ABCB11: variants seen among roughly 807,000 people sequenced by gnomAD.
ABCB11 encodes bile salt export pump.
In ABCB11, 95 loss-of-function variants were observed where a neutral mutation model predicts 148.0. The ratio of observed to expected loss-of-function variants is 0.64; its 90% CI spans 0.54 to 0.76. The LOEUF (loss-of-function observed/expected upper bound fraction) is 0.76, where lower values mean the gene tolerates loss of function less well. Among genes scored for constraint, ABCB11 ranks in the 30% least tolerant of loss-of-function variants. The pLI, the probability that ABCB11 is intolerant of heterozygous loss-of-function variation, is 0.00. For synonymous variants in ABCB11, 591 were observed against 555.4 expected (o/e 1.06, Z -0.90); for missense variants, 1,523 against 1,617.8 (o/e 0.94, Z 1.01).
At chr2:168,975,554 T>TATTTATAGATAAATATAG in intron 12 of ABCB11, among the ~76,000 whole-genome samples, 2 of 46,804 alleles carry the variant, frequency 4.3e-5, no homozygotes, top group African/African-American at 1.6e-4. Context: ...TATAAATACA[T>TATTTATAGATAAATATAG]AAATATTTTT....
intron 12 of ABCB11, among the ~76,000 whole-genome samples, chr2:168,975,156 T>TA (rs1693770830): frequency 6.9e-5 from 3 of 43,736 alleles, no homozygotes; most frequent in African/African-American, 2.7e-4. Flanking sequence ...GATAAATATA[T>TA]AATAAATATT....
intron 23 of ABCB11, 48 bp downstream of exon 23, chr2:168,935,136 C>T (rs760091236): frequency 6.2e-7 from 1 of 1,606,276 alleles, no homozygotes; most frequent in Non-Finnish European, 8.5e-7. Context: ...CCAGGCTATT[C>T]CTTCCTTGTG....
At chr2:168,929,549 A>G (rs1274741515) in intron 25 of ABCB11, among the ~76,000 whole-genome samples, 2 of 152,250 alleles carry the variant, frequency 1.3e-5, no homozygotes, top group Admixed American at 1.3e-4. Context: ...CTTAGAGTGA[A>G]GGCAGGAAAG....
intron 13 of ABCB11, among the ~76,000 whole-genome samples, chr2:168,973,246 T>G (rs1195260206): frequency 2.6e-5 from 4 of 151,974 alleles, no homozygotes; most frequent in East Asian, 1.9e-4. Flanking sequence ...AAATGTGTCC[T>G]TAGGTGGTTT....
chr2:168,922,312 T>C lies in ABCB11; in HGVS notation c.*1310A>G, dbSNP rs1691104926. On this transcript the variant is annotated 3_prime_UTR_variant, in exon 28 of 28. Transcript: ENST00000650372. ...TTCAACTTCATCTTGTGTCTCTAAG[T>C]GCAAACCTCCCTGTGAGCCTCCTCA... Among the ~76,000 whole-genome samples, 1 of 152,190 alleles carries C rather than the reference T, an allele frequency of 6.6e-6. No homozygotes were observed. Among genetic ancestry groups the C allele is most frequent in the South Asian group, 2.1e-4 (1 of 4,826 alleles).
At chr2:168,950,140 TACACACACAC>T (rs36026125) in intron 19 of ABCB11, among the ~76,000 whole-genome samples, 12 of 143,976 alleles carry the variant, frequency 8.3e-5, no homozygotes, top group Non-Finnish European at 1.2e-4. Context: ...TATATATATA[TACACACACAC>T]ACACACACAC....
chr2:168,974,474 G>A (rs1327149429), intron 12 of ABCB11, among the ~76,000 whole-genome samples: 1 of 152,086 alleles, frequency 6.6e-6, no homozygotes, highest in Non-Finnish European at 1.5e-5. Context: ...TACTGATTAT[G>A]GAAAATGTGG....
chr2:169,009,474 G>C (rs13413844), intron 5 of ABCB11, among the ~76,000 whole-genome samples: 1 of 150,182 alleles, frequency 6.7e-6, no homozygotes, highest in Non-Finnish European at 1.5e-5. Context: ...AAACTATCGC[G>C]AGGACAAAAA....
At chr2:168,965,269 G>A (rs1417559279) in intron 17 of ABCB11, among the ~76,000 whole-genome samples, 1 of 151,746 alleles carries the variant, frequency 6.6e-6, no homozygotes, top group African/African-American at 2.4e-5. Context: ...TGACAAGCAT[G>A]GGAAGTGATT....
At chr2:168,969,305 T>C in intron 16 of ABCB11, 45 bp downstream of exon 16, 6 of 1,526,074 alleles carry the variant, frequency 3.9e-6, no homozygotes, top group Non-Finnish European at 4.5e-6. Flanking sequence ...ACTATAGACA[T>C]TAACTATTTA....
intron 1 of ABCB11, among the ~76,000 whole-genome samples, 195 bp from the exon 2 acceptor site, chr2:169,018,347 AG>A: frequency 6.6e-6 from 1 of 152,292 alleles, no homozygotes; most frequent in Admixed American, 6.5e-5. Flanking sequence ...TCATTGATAA[AG>A]GTTTTCTCTA....
intron 12 of ABCB11, among the ~76,000 whole-genome samples, chr2:168,974,869 T>G (rs1693747190): frequency 6.6e-6 from 1 of 150,926 alleles, no homozygotes; most frequent in Non-Finnish European, 1.5e-5. Context: ...ATTTGATGTT[T>G]AGGTACATAT....
In ABCB11 at chr2:168,971,900, C is replaced by G; in HGVS notation, c.1585G>C (p.Val529Leu). ...GCATTGGCCTCCTTGGCAGCTTGGA[C>G]TATGTCTTCCATTGTTGCATCTTCT... ...GREDATMEDIVQAAKEANAYN... is the reference protein window; with the variant it reads ...GREDATMEDILQAAKEANAYN... The change falls in exon 14 of 28, where the codon GTC becomes CTC. Residue 529 changes from valine to leucine, a missense_variant. By Grantham distance (32) the Val-to-Leu change is conservative (BLOSUM62 1). Transcript: ENST00000650372. 1 of 1,613,068 alleles carries G rather than the reference C, an allele frequency of 6.2e-7. No individual in the cohort carries two copies. The highest frequency in any genetic ancestry group is 8.5e-7 in the Non-Finnish European group (1 of 1,179,368).
intron 5 of ABCB11, among the ~76,000 whole-genome samples, chr2:169,004,770 G>T (rs1162341149): frequency 6.6e-6 from 1 of 152,076 alleles, no homozygotes; most frequent in African/African-American, 2.4e-5. Context: ...TCTCTTATTT[G>T]GGTAGACTAT....
At chr2:168,984,475 A>G (rs1048785328) in intron 10 of ABCB11, among the ~76,000 whole-genome samples, 1 of 152,202 alleles carries the variant, frequency 6.6e-6, no homozygotes, top group African/African-American at 2.4e-5. Flanking sequence ...TAAAGGCATT[A>G]GCTACTTTAG....
chr2:168,923,901 C>T lies in ABCB11; in HGVS notation c.3766-79G>A, dbSNP rs1335639752. ...CACCATCATGAGAGTTCAGTTAACA[C>T]GACCTGAATAACAATCCTATACTTG... On this transcript the variant is annotated intron_variant, in intron 27 of 27. Coordinates refer to ENST00000650372, the MANE Select transcript of ABCB11 (RefSeq NM_003742.4). 3.7e-6 allele frequency: 5 copies of T among 1,365,992 alleles called. No individual in the cohort carries two copies. The African/African-American group carries it at 4.3e-5, about 12-fold the overall frequency. 84.6% of individuals were successfully genotyped at this position (1,365,992 alleles called of 1,614,324 possible). A position where few individuals can be genotyped will look rare whatever the true frequency, so the allele number is the denominator to read the frequency against.
chr2:169,028,384 A>G (rs1695763721), intron 1 of ABCB11, among the ~76,000 whole-genome samples: 2 of 152,090 alleles, frequency 1.3e-5, no homozygotes, highest in Admixed American at 1.3e-4. Flanking sequence ...TGCCTTGTCT[A>G]GAGAGCTGGA....
chr2:168,964,163 A>G (rs780609113), intron 18 of ABCB11, 43 bp downstream of exon 18: 1 of 1,430,210 alleles, frequency 7.0e-7, no homozygotes, highest in South Asian at 1.2e-5. Flanking sequence ...AGTCCCCAGG[A>G]GAGACTTCTT....
intron 14 of ABCB11, chr2:168,970,428 C>T: frequency 7.5e-7 from 1 of 1,338,168 alleles, no homozygotes; most frequent in Non-Finnish European, 1.0e-6. Flanking sequence ...GCTTTTATTC[C>T]AGGGTTTACT....
Sources: allele counts gnomAD v4.1 joint callset (sites outside exome capture counted in the v4.1 genomes callset), GRCh38; gene constraint gnomAD v4.1.1; transcripts MANE v1.5; gene names NCBI Gene and HGNC (gene_info 2026-07-23, HGNC 2026-07-21).